The following NSG1 variants were observed in gnomAD, a reference collection of about 807,000 sequenced individuals.
The protein encoded by NSG1 is neuronal vesicle trafficking associated 1.
Under a neutral mutation model 19.3 loss-of-function variants are expected in NSG1, and 9 were observed. The observed-to-expected ratio is 0.47, with a 90% CI of 0.28 to 0.81. NSG1 has a LOEUF of 0.81. Among genes scored for constraint, NSG1 ranks in the 40% least tolerant of loss-of-function variants. The pLI is 0.11. For synonymous variants in NSG1, 104 were observed against 107.0 expected, an observed-to-expected ratio of 0.97 and a Z score of 0.17; for missense variants, 236 against 242.4, an observed-to-expected ratio of 0.97 and a Z score of 0.18.
In NSG1 at chr4:4,417,251, C is replaced by T. The variant is rs552690442; in HGVS notation, c.374C>T (p.Pro125Leu). Residue 125 changes from proline (P) to leucine (L), a missense_variant, in exon 5 of 5, where the codon CCA becomes CTA. Physicochemically the swap from Pro to Leu is moderately conservative, Grantham distance 98. Transcript: ENST00000621129. ...GTCTTTCAGAACACCCAGTGCATCC[C>T]AGAAGGCTTGGAGAGCTACTACGCG... ...GFVLKNTQCI[P>L]EGLESYYAEQ... is the part of the protein sequence containing the mutation. 1 of 1,614,074 alleles carries T rather than the reference C, an allele frequency of 6.2e-7. No homozygotes were observed. The highest frequency in any genetic ancestry group is 1.3e-5 in the African/African-American group (1 of 75,044).
At chr4:4,406,465 A>T (rs947515578) in intron 3 of NSG1, among the ~76,000 whole-genome samples, 1 of 152,150 alleles carries the variant, frequency 6.6e-6, no homozygotes, top group Non-Finnish European at 1.5e-5. Context: ...CTTCTGGACC[A>T]CCCTGAGTGA....
chr4:4,404,911 AG>A (rs33924381), intron 3 of NSG1, among the ~76,000 whole-genome samples: 5,494 of 152,204 alleles, frequency 0.036, 309 homozygotes, highest in African/African-American at 0.13. Context: ...GAGAGAGGGC[AG>A]GGCAGCCTGG....
intron 4 of NSG1, among the ~76,000 whole-genome samples, chr4:4,411,780 A>ACACAACAC (rs1724210048): frequency 2.1e-5 from 2 of 93,802 alleles, no homozygotes; most frequent in Non-Finnish European, 3.8e-5. Context: ...AAACAAAACA[A>ACACAACAC]AACAAAACAA....
In NSG1 at chr4:4,391,602, C is replaced by T. The variant is rs370761869; in HGVS notation, c.246+11C>T. On this transcript the variant is annotated intron_variant, in intron 3 of 4. Coordinates refer to ENST00000621129, the MANE Select transcript of NSG1 (RefSeq NM_014392.5). ...ACCGAGAGGTTTAAGGTGAGTGGTC[C>T]TGTGCTGGGTGAGATGCTGCTTTTG... 62 of 1,562,916 alleles carry T rather than the reference C, an allele frequency of 4.0e-5. No individual in the cohort carries two copies. Among genetic ancestry groups the T allele is most frequent in the Non-Finnish European group, 5.3e-5 (61 of 1,142,324 alleles).
intron 4 of NSG1, chr4:4,415,916 G>A (rs541997836): frequency 3.3e-5 from 19 of 581,610 alleles, no homozygotes; most frequent in East Asian, 5.8e-5. Context: ...CCTGATGCAC[G>A]CGCTGCTGGT....
At chr4:4,409,908 GCC>G (rs1724079395) in intron 4 of NSG1, among the ~76,000 whole-genome samples, 1 of 152,232 alleles carries the variant, frequency 6.6e-6, no homozygotes, top group Non-Finnish European at 1.5e-5. Flanking sequence ...CCCGGACTTG[GCC>G]CCTGGGAGCT....
intron 3 of NSG1, among the ~76,000 whole-genome samples, chr4:4,405,601 T>C (rs1002678311): frequency 1.3e-5 from 2 of 152,170 alleles, no homozygotes; most frequent in Non-Finnish European, 2.9e-5. Flanking sequence ...CGTGGCCCTC[T>C]CTCTCCTTAG....
chr4:4,414,565 CGT>C, intron 4 of NSG1, among the ~76,000 whole-genome samples: 1 of 152,296 alleles, frequency 6.6e-6, no homozygotes, highest in African/African-American at 2.4e-5. Context: ...CATATTTGTG[CGT>C]GTGTTTGTCA....
At chr4:4,406,177 A>ATGTG (rs1199955101) in intron 3 of NSG1, among the ~76,000 whole-genome samples, 46 of 152,120 alleles carry the variant, frequency 3.0e-4, no homozygotes, top group African/African-American at 1.1e-3. Context: ...ACAGGCACTC[A>ATGTG]CCACCACGCC....
rs894757040 is a variant in NSG1, at chr4:4,394,977, C to T, written c.246+3386C>T. Among the ~76,000 whole-genome samples, 4 of 152,232 alleles carry T rather than the reference C, an allele frequency of 2.6e-5. No homozygotes were observed. The East Asian group carries it at 7.7e-4, about 29-fold the overall frequency. On this transcript the variant is annotated intron_variant, in intron 3 of 4. Transcript: ENST00000621129. ...CCACACAGTCAGTGAGTGGCAGAGG[C>T]AGAGTAGGAGCTGGGCAGCCGGCTC...
chr4:4,395,864 C>T (rs1723225276), intron 3 of NSG1, among the ~76,000 whole-genome samples: 1 of 152,192 alleles, frequency 6.6e-6, no homozygotes, highest in Non-Finnish European at 1.5e-5. Flanking sequence ...TCAGAAGCAC[C>T]TCATCTTTAT....
intron 3 of NSG1, among the ~76,000 whole-genome samples, chr4:4,405,485 C>A (rs532502275): frequency 6.6e-6 from 1 of 152,286 alleles, no homozygotes; most frequent in South Asian, 2.1e-4. Flanking sequence ...ATGGTTCCCC[C>A]ACTTTGGCGA....
chr4:4,399,111 C>T (rs1222910816), intron 3 of NSG1, among the ~76,000 whole-genome samples: 2 of 152,030 alleles, frequency 1.3e-5, no homozygotes, highest in African/African-American at 4.8e-5. Context: ...TACTCAAGTC[C>T]TTTCTCATTT....
At chr4:4,399,371 G>C (rs1577285204) in intron 3 of NSG1, among the ~76,000 whole-genome samples, 1 of 152,114 alleles carries the variant, frequency 6.6e-6, no homozygotes, top group Non-Finnish European at 1.5e-5. Flanking sequence ...TCAAACTCCT[G>C]GACTCAAGCA....
chr4:4,402,218 T>C (rs1723585922), intron 3 of NSG1, among the ~76,000 whole-genome samples: 1 of 150,254 alleles, frequency 6.7e-6, no homozygotes, highest in African/African-American at 2.4e-5. Flanking sequence ...TGATTTTTTT[T>C]TTTTTCGAGA....
rs73793255 is a variant in NSG1, at chr4:4,395,026, C to T, written c.246+3435C>T. On this transcript the variant is annotated intron_variant, in intron 3 of 4. Coordinates refer to ENST00000621129, the MANE Select transcript of NSG1 (RefSeq NM_014392.5). The stretch of plus-strand genomic sequence containing the variant: ...TCTAGAAGCCTGTTGCTGTGGCATA[C>T]TTCAGCCCACTAGCTTGCCCAGGAA... Among the ~76,000 whole-genome samples, 1,286 of 152,354 alleles carry T rather than the reference C, an allele frequency of 8.4e-3. 15 individuals carry two copies. Among genetic ancestry groups the T allele is most frequent in the African/African-American group, 0.029 (1,214 of 41,576 alleles).
intron 3 of NSG1, among the ~76,000 whole-genome samples, chr4:4,392,137 G>T (rs984345965): frequency 1.1e-4 from 16 of 151,832 alleles, no homozygotes; most frequent in Non-Finnish European, 1.9e-4. Flanking sequence ...GTCTGGCTTT[G>T]GGCCTGTGTG....
chr4:4,393,713 T>C (rs1723108890), intron 3 of NSG1, among the ~76,000 whole-genome samples: 1 of 152,232 alleles, frequency 6.6e-6, no homozygotes, highest in Non-Finnish European at 1.5e-5. Flanking sequence ...CGTAAGGCTG[T>C]TGAGTCCCAG....
At position 4,400,735 on chromosome 4, in the gene NSG1, G is replaced by A. The variant is rs184510475; in HGVS notation, c.247-8838G>A. Reference sequence around the variant, plus strand: ...TGACTTTGTCACCAATGCATACCAGGTGTTTTTATATCACATTGCAGCTGT... The same window carrying A: ...TGACTTTGTCACCAATGCATACCAGATGTTTTTATATCACATTGCAGCTGT... On this transcript the variant is annotated intron_variant, in intron 3 of 4. Coordinates refer to ENST00000621129, the MANE Select transcript of NSG1 (RefSeq NM_014392.5). 6.2e-4 allele frequency among the ~76,000 whole-genome samples: 94 copies of A among 152,290 alleles called. No individual in the cohort carries two copies. The Middle Eastern group carries it at 0.014, about 22-fold the overall frequency.
Sources: allele counts gnomAD v4.1 joint callset (sites outside exome capture counted in the v4.1 genomes callset), GRCh38; gene constraint gnomAD v4.1.1; transcripts MANE v1.5; gene names NCBI Gene and HGNC (gene_info 2026-07-23, HGNC 2026-07-21).